The following DGKK variants were observed in gnomAD, a reference collection of about 807,000 sequenced individuals.
DGKK encodes 142 kDa diacylglycerol kinase.
DGKK carries 35 observed loss-of-function variants against 92.2 expected under a neutral mutation model. The ratio of observed to expected loss-of-function variants is 0.38; its 90% CI spans 0.29 to 0.50. The LOEUF is 0.50. Ranked by LOEUF, DGKK falls within the 20% of genes least tolerant of loss-of-function variation. The probability of loss-of-function intolerance (pLI) is 0.92; values close to 1 mark genes in which losing one functional copy is unlikely to be tolerated. For missense variants in DGKK, 910 were observed against 992.2 expected (o/e 0.92, Z 1.11); for synonymous variants, 368 against 360.6 (o/e 1.02, Z -0.23).
chrX:50,417,723 T>C (rs1557228704), intron 4 of DGKK, among the ~76,000 whole-genome samples: 2 of 110,943 alleles, frequency 1.8e-5, no homozygotes, highest in African/African-American at 3.3e-5. Context: ...TAATTAATCA[T>C]AGCCTCTTCT....
intron 4 of DGKK, among the ~76,000 whole-genome samples, chrX:50,409,000 CT>C (rs1372922326): frequency 1.8e-5 from 2 of 111,342 alleles, no homozygotes; most frequent in Non-Finnish European, 3.8e-5. Flanking sequence ...TTGTATCCCC[CT>C]AAAGGATATG....
intron 25 of DGKK, among the ~76,000 whole-genome samples, chrX:50,374,296 A>T (rs1157290305): frequency 3.6e-5 from 4 of 111,658 alleles, no homozygotes; most frequent in Non-Finnish European, 5.6e-5. Context: ...AAGATAGAGG[A>T]TTGAAGTGAT....
chrX:50,376,997 C>T (rs902917572), intron 22 of DGKK, 79 bp from the exon 23 acceptor site: 25 of 1,007,955 alleles, frequency 2.5e-5, no homozygotes, highest in African/African-American at 7.6e-5. Flanking sequence ...GTGAGCCTGA[C>T]GTTTGTGGGC....
Position 50,383,750 on chromosome X carries a change from C to A in DGKK, c.2549+418G>T, listed in dbSNP as rs145626982. On this transcript the variant is annotated intron_variant, in intron 17 of 27. Coordinates refer to ENST00000611977, the MANE Select transcript of DGKK (RefSeq NM_001013742.4). ...GGTGAGACAGATGTCCTTAGATTTGCTGCCTAGTCCCCTAGTGACCATTTT... is the reference window on the plus strand; with the variant it reads ...GGTGAGACAGATGTCCTTAGATTTGATGCCTAGTCCCCTAGTGACCATTTT... Among the ~76,000 whole-genome samples the A allele has an allele frequency of 4.6e-3, 519 of 111,974 alleles. 2 individuals are homozygous for A. The highest frequency in any genetic ancestry group is 6.5e-3 in the Non-Finnish European group (346 of 53,164).
intron 1 of DGKK, among the ~76,000 whole-genome samples, chrX:50,466,780 A>G (rs1557234011): frequency 8.9e-6 from 1 of 111,824 alleles, no homozygotes; most frequent in African/African-American, 3.3e-5. Flanking sequence ...ATTGATAGGA[A>G]TCACCAGATA....
At position 50,376,075 on chromosome X, in the gene DGKK, G is replaced by C; in HGVS notation, c.3363C>G (p.Tyr1121Ter). 3 of 1,210,595 alleles carry C rather than the reference G, an allele frequency of 2.5e-6. No individual in the cohort carries two copies. ...CCATCTCATTGCCACTGTCTTGGCC[G>C]TAAAATATATCATTCAGGATGTTAG... ...ASANILNDIF[Y>*]GQDSGNEMGA... is the part of the protein sequence containing the mutation. The change falls in exon 24 of 28, where the codon TAC (tyrosine) becomes TAG (stop). Residue 1121 changes from tyrosine to a stop codon, truncating the protein, a stop_gained. Coordinates refer to ENST00000611977, the MANE Select transcript of DGKK (RefSeq NM_001013742.4). LOFTEE classifies it high-confidence loss of function.
chrX:50,447,202 ATATATT>A (rs1312667993), intron 1 of DGKK, among the ~76,000 whole-genome samples: 1 of 93,328 alleles, frequency 1.1e-5, no homozygotes, highest in Non-Finnish European at 2.1e-5. Flanking sequence ...TATAATATAT[ATATATT>A]TATATTTATA....
intron 22 of DGKK, 75 bp from the exon 23 acceptor site, chrX:50,376,993 C>T: frequency 5.7e-6 from 6 of 1,049,480 alleles, no homozygotes; most frequent in Non-Finnish European, 7.6e-6. Flanking sequence ...GTCTGTGAGC[C>T]TGACGTTTGT....
rs1474295621 is a variant in DGKK, at chrX:50,386,890, T to C, written c.2119-304A>G. Among the ~76,000 whole-genome samples, 6 of 111,753 alleles carry C rather than the reference T, an allele frequency of 5.4e-5. No homozygotes were observed. The South Asian group carries it at 2.3e-3, about 42-fold the overall frequency. On this transcript the variant is annotated intron_variant, in intron 14 of 27. Coordinates refer to ENST00000611977, the MANE Select transcript of DGKK (RefSeq NM_001013742.4). Reference sequence around the variant, plus strand: ...TCAAACGGGCCTATAAAACAATGTATAACATGCAAACTTGAGGAAAGACAA... The same window carrying C: ...TCAAACGGGCCTATAAAACAATGTACAACATGCAAACTTGAGGAAAGACAA...
chrX:50,384,661 G>T, intron 16 of DGKK, 59 bp downstream of exon 16: 1 of 1,032,722 alleles, frequency 9.7e-7, no homozygotes, highest in Non-Finnish European at 1.3e-6. Context: ...TTTATTCTTT[G>T]GGAGCTAAAC....
intron 10 of DGKK, 24 bp from the exon 11 acceptor site, chrX:50,391,600 C>A: frequency 1.7e-6 from 2 of 1,208,700 alleles, no homozygotes; most frequent in African/African-American, 1.7e-5. Flanking sequence ...AGGAGACACC[C>A]TTTTCAGACA....
Position 50,442,363 on chromosome X carries a change from T to C in DGKK, c.646-18005A>G, listed in dbSNP as rs782631660. On this transcript the variant is annotated intron_variant, in intron 1 of 27. Transcript: ENST00000611977. ...AACTGAGAACTGATGATTACAAAATTCTAAACAAACAAACCTATTAAACTT... is the reference window on the plus strand; with the variant it reads ...AACTGAGAACTGATGATTACAAAATCCTAAACAAACAAACCTATTAAACTT... 1.1e-4 allele frequency among the ~76,000 whole-genome samples: 12 copies of C among 111,584 alleles called. No individual in the cohort carries two copies. In the South Asian group the frequency reaches 1.5e-3, roughly 14 times the overall value.
intron 25 of DGKK, among the ~76,000 whole-genome samples, chrX:50,374,290 T>C (rs1381130730): frequency 1.8e-5 from 2 of 111,329 alleles, no homozygotes; most frequent in Admixed American, 9.5e-5. Flanking sequence ...CATGTGAAGA[T>C]AGAGGATTGA....
At chrX:50,467,947 G>A (rs1452238629) in intron 1 of DGKK, among the ~76,000 whole-genome samples, 2 of 112,077 alleles carry the variant, frequency 1.8e-5, no homozygotes, top group Non-Finnish European at 3.8e-5. Context: ...ACGGATGGTC[G>A]TGGTTCTTAA....
chrX:50,412,869 C>G lies in DGKK; in HGVS notation c.942+7534G>C, dbSNP rs1379110560. Among the ~76,000 whole-genome samples, 3 of 111,631 alleles carry G rather than the reference C, an allele frequency of 2.7e-5. No individual in the cohort carries two copies. The East Asian group carries it at 8.5e-4, about 32-fold the overall frequency. On this transcript the variant is annotated intron_variant, in intron 4 of 27. Coordinates refer to ENST00000611977, the MANE Select transcript of DGKK (RefSeq NM_001013742.4). Reference sequence around the variant, plus strand: ...GAACCTCTGAGCCATAGATTGGTACCAGTCCATGGCCTATTAGGAACCAGG... The same window carrying G: ...GAACCTCTGAGCCATAGATTGGTACGAGTCCATGGCCTATTAGGAACCAGG...
intron 14 of DGKK, 99 bp from the exon 15 acceptor site, chrX:50,386,685 G>A: frequency 7.3e-6 from 5 of 687,747 alleles, no homozygotes; most frequent in Non-Finnish European, 8.6e-6. Flanking sequence ...GTAGGGAGGG[G>A]TAAGAGTTGT....
chrX:50,403,657 C>A, intron 5 of DGKK, 60 bp from the exon 6 acceptor site: 1 of 975,797 alleles, frequency 1.0e-6, no homozygotes, highest in South Asian at 1.9e-5. Context: ...GATTCTAATT[C>A]TCTTCCCAAA....
chrX:50,417,143 C>T (rs1485223197), intron 4 of DGKK, among the ~76,000 whole-genome samples: 1 of 106,290 alleles, frequency 9.4e-6, no homozygotes, highest in Non-Finnish European at 1.9e-5. Flanking sequence ...ATTTTCTGTA[C>T]AACATCTGAC....
chrX:50,457,040 C>G (rs1926627810), intron 1 of DGKK, among the ~76,000 whole-genome samples: 1 of 111,738 alleles, frequency 8.9e-6, no homozygotes, highest in Non-Finnish European at 1.9e-5. Context: ...AAATTGGAGT[C>G]CACCAAAGTG....
Sources: allele counts gnomAD v4.1 joint callset (sites outside exome capture counted in the v4.1 genomes callset), GRCh38; gene constraint gnomAD v4.1.1; transcripts MANE v1.5; gene names NCBI Gene and HGNC (gene_info 2026-07-23, HGNC 2026-07-21).